Variants in SLC2A6 observed in about 807,000 individuals in gnomAD.
SLC2A6 encodes the protein solute carrier family 2, facilitated glucose transporter member 6.
In SLC2A6, 39 loss-of-function variants were observed where a neutral mutation model predicts 47.8. That is an observed-to-expected ratio of 0.82 (90% CI 0.63 to 1.07). The LOEUF is 1.07. Among genes scored for constraint, SLC2A6 ranks in the 50% least tolerant of loss-of-function variants. The probability of loss-of-function intolerance (pLI) is 0.00; values close to 1 mark genes in which losing one functional copy is unlikely to be tolerated. For missense variants in SLC2A6, 650 were observed against 707.6 expected (o/e 0.92, Z 0.92); for synonymous variants, 346 against 324.1 (o/e 1.07, Z -0.73).
chr9:133,478,554 A>AGGGCCT, intron 1 of SLC2A6, 138 bp from the exon 2 acceptor site: 1 of 917,552 alleles, frequency 1.1e-6, no homozygotes. Context: ...TCACGTTCCC[A>AGGGCCT]GGGCCTGAGC....
intron 3 of SLC2A6, 99 bp from the exon 4 acceptor site, chr9:133,476,435 G>T: frequency 2.9e-6 from 3 of 1,028,204 alleles, no homozygotes; most frequent in Non-Finnish European, 4.5e-6. Flanking sequence ...CGGAAAGTGG[G>T]AAGTGGAGGC....
Position 133,471,615 on chromosome 9 carries a change from C to G in SLC2A6, c.*406G>C, listed in dbSNP as rs975344622. ...TCTTCCTTGCACAGCCAGATGCCAC[C>G]AGATCAGAGCGCGATGATATGACTA... On this transcript the variant is annotated 3_prime_UTR_variant, in exon 10 of 10. Coordinates refer to ENST00000371899, the MANE Select transcript of SLC2A6 (RefSeq NM_017585.4). 1.8e-5 allele frequency: 3 copies of G among 165,780 alleles called. No homozygotes were observed. Among genetic ancestry groups the G allele is most frequent in the African/African-American group, 7.2e-5 (3 of 41,906 alleles). The allele number at this position is 165,780 out of a possible 1,614,324, so 10.3% of individuals were successfully genotyped here.
chr9:133,478,501 C>A, intron 1 of SLC2A6, 85 bp from the exon 2 acceptor site: 1 of 1,515,346 alleles, frequency 6.6e-7, no homozygotes, highest in South Asian at 1.2e-5. Flanking sequence ...AGTGGCTGCC[C>A]GGCTCAGCGG....
rs1415867828 is a variant in SLC2A6 at position 133,472,085 on chromosome 9, T to A, written c.1460A>T (p.Lys487Met). ...VFTGCCVPET[K>M]GRSLEQIESF... Reference sequence around the variant, plus strand: ...CTCGATCTGCTCCAGGGACCGTCCCTTGGTCTCGGGCACACAGCAGCCTGT... The same window carrying A: ...CTCGATCTGCTCCAGGGACCGTCCCATGGTCTCGGGCACACAGCAGCCTGT... The change falls in exon 10 of 10, where the codon AAG (lysine) becomes ATG (methionine). Residue 487 changes from lysine (K) to methionine (M), a missense_variant. Physicochemically the swap from Lys to Met is moderately conservative, Grantham distance 95. Transcript: ENST00000371899. 6.2e-7 allele frequency: 1 copy of A among 1,613,408 alleles called. No individual in the cohort carries two copies. Among genetic ancestry groups the A allele is most frequent in the Non-Finnish European group, 8.5e-7 (1 of 1,179,938 alleles).
chr9:133,475,234 G>T, intron 5 of SLC2A6, 121 bp from the exon 6 acceptor site: 1 of 1,393,478 alleles, frequency 7.2e-7, no homozygotes. Context: ...GAAAGAACCA[G>T]CTTACCAGGC....
chr9:133,475,686 C>T, intron 4 of SLC2A6, 75 bp from the exon 5 acceptor site: 1 of 1,309,208 alleles, frequency 7.6e-7, no homozygotes, highest in Non-Finnish European at 1.0e-6. Flanking sequence ...TCTGAATAAC[C>T]TCATCTGCCC....
chr9:133,477,402 C>G (rs1212869988), intron 2 of SLC2A6, among the ~76,000 whole-genome samples, 161 bp from the exon 3 acceptor site: 1 of 152,262 alleles, frequency 6.6e-6, no homozygotes, highest in Non-Finnish European at 1.5e-5. Flanking sequence ...CTTCAAGGAA[C>G]AGCCATTTGT....
rs1195166538 is a variant in SLC2A6 at position 133,477,049 on chromosome 9, C to T, written c.448G>A (p.Ala150Thr). Residue 150 changes from alanine to threonine, a missense_variant, in exon 3 of 10, where the codon GCT becomes ACT. Ala to Thr is a moderately conservative substitution (Grantham distance 58). Coordinates refer to ENST00000371899, the MANE Select transcript of SLC2A6 (RefSeq NM_017585.4). ...TLTGFAGGLT[A>T]ACIPVYVSEI... ...CCTGGCCTTACCGGGATGCAGGCAG[C>T]TGTGAGCCCCCCGGCGAAGCCCGTC... 3.9e-6 allele frequency: 6 copies of T among 1,547,376 alleles called. No homozygotes were observed. The highest frequency in any genetic ancestry group is 5.2e-6 in the Non-Finnish European group (6 of 1,146,514).
intron 7 of SLC2A6, 56 bp downstream of exon 7, chr9:133,473,924 C>G: frequency 7.2e-7 from 1 of 1,391,206 alleles, no homozygotes; most frequent in Non-Finnish European, 9.9e-7. Context: ...CACACCCAGC[C>G]CAGCCCTGAC....
chr9:133,475,629 G>A lies in SLC2A6; in HGVS notation c.563-18C>T. The A allele has an allele frequency of 7.7e-6, 12 of 1,564,300 alleles. No individual in the cohort carries two copies. Among genetic ancestry groups the A allele is most frequent in the Non-Finnish European group, 1.0e-5 (12 of 1,157,138 alleles). Reference sequence around the variant, plus strand: ...CAGGAGGCCTGGGGGCGAGGGGTGGGTGAGGGGCCAGGTCCAGGCCTGGTA... The same window carrying A: ...CAGGAGGCCTGGGGGCGAGGGGTGGATGAGGGGCCAGGTCCAGGCCTGGTA... On this transcript the variant is annotated intron_variant, in intron 4 of 9. Coordinates refer to ENST00000371899, the MANE Select transcript of SLC2A6 (RefSeq NM_017585.4).
chr9:133,475,679 G>C (rs1407622931), intron 4 of SLC2A6, 68 bp from the exon 5 acceptor site: 1 of 1,375,694 alleles, frequency 7.3e-7, no homozygotes, highest in East Asian at 2.5e-5. Context: ...TGGAGCCTCT[G>C]AATAACCTCA....
Position 133,471,926 on chromosome 9 carries a change from A to G in SLC2A6, c.*95T>C, listed in dbSNP as rs1843731691. On this transcript the variant is annotated 3_prime_UTR_variant, in exon 10 of 10. Transcript: ENST00000371899. ...TCCTGTGCTCTGGCTGGTGGCAGGGATGACTGCTGCCTCTTGGTCCCAGGG... is the reference window on the plus strand; with the variant it reads ...TCCTGTGCTCTGGCTGGTGGCAGGGGTGACTGCTGCCTCTTGGTCCCAGGG... 1.4e-6 allele frequency: 2 copies of G among 1,420,898 alleles called. No homozygotes were observed. Among genetic ancestry groups the G allele is most frequent in the Non-Finnish European group, 9.6e-7 (1 of 1,044,782 alleles). 88.0% of individuals were successfully genotyped at this position (1,420,898 alleles called of 1,614,324 possible).
chr9:133,472,640 C>T (rs984270179), intron 9 of SLC2A6, among the ~76,000 whole-genome samples: 1 of 152,188 alleles, frequency 6.6e-6, no homozygotes, highest in African/African-American at 2.4e-5. Context: ...CTGCCCTAGC[C>T]AGCTTCTCCC....
Position 133,477,248 on chromosome 9 carries a change from G to A in SLC2A6, c.256-7C>T. The A allele has an allele frequency of 6.4e-7, 1 of 1,550,406 alleles. No homozygotes were observed. Among genetic ancestry groups the A allele is most frequent in the South Asian group, 1.2e-5 (1 of 84,044 alleles). ...CTCCCAGGGTGAACACGGACTGCAG[G>A]GGAAGGGGGTGCAGGGCAGATATGT... On this transcript the variant is annotated splice_polypyrimidine_tract_variant and splice_region_variant and intron_variant, in intron 2 of 9. Coordinates refer to ENST00000371899, the MANE Select transcript of SLC2A6 (RefSeq NM_017585.4).
At chr9:133,476,900 G>T (rs1843975182) in intron 3 of SLC2A6, 135 bp downstream of exon 3, 3 of 984,982 alleles carry the variant, frequency 3.0e-6, no homozygotes, top group Non-Finnish European at 3.0e-6. Context: ...GAGCTGAGGC[G>T]CCCTGGGCAT....
rs1452231894 is a variant in SLC2A6 at position 133,471,969 on chromosome 9, C to T, written c.*52G>A. The T allele has an allele frequency of 1.3e-6, 2 of 1,585,270 alleles. No homozygotes were observed. Among genetic ancestry groups the T allele is most frequent in the Non-Finnish European group, 8.6e-7 (1 of 1,162,548 alleles). On this transcript the variant is annotated 3_prime_UTR_variant, in exon 10 of 10. Transcript: ENST00000371899. ...TCCCAGGGTGCAGGTTTGTAGCCAA[C>T]ACAGAGGCCCAGCCACTGGGGGTTT...
chr9:133,473,733 C>T lies in SLC2A6; in HGVS notation c.1037-133G>A, dbSNP rs587679355. ...CTGGGACTAGAGACCCCCAGCAGGG[C>T]AGCAAGCTCTGTCTCCAGCCGCGTG... On this transcript the variant is annotated intron_variant, in intron 7 of 9. Transcript: ENST00000371899. 1.8e-5 allele frequency: 18 copies of T among 973,394 alleles called. No individual in the cohort carries two copies. In the East Asian group the frequency reaches 4.4e-4, roughly 24 times the overall value. The allele number at this position is 973,394 out of a possible 1,614,324, so 60.3% of individuals were successfully genotyped here. A position where few individuals can be genotyped will look rare whatever the true frequency, so the allele number is the denominator to read the frequency against.
At position 133,475,599 on chromosome 9, in the gene SLC2A6, G is replaced by A. The variant is rs376292679; in HGVS notation, c.575C>T (p.Pro192Leu). 26 of 1,594,898 alleles carry A rather than the reference G, an allele frequency of 1.6e-5. No individual in the cohort carries two copies. Among genetic ancestry groups the A allele is most frequent in the Middle Eastern group, 2.2e-4 (1 of 4,454 alleles). The change falls in exon 5 of 10, where the codon CCG becomes CTG. Residue 192 changes from proline to leucine, a missense_variant. Transcript: ENST00000371899. Reference sequence around the variant, plus strand: ...CCCGGCCACAGCCAGCCAGCGCCACGGCAGCAGGAGGCCTGGGGGCGAGGG... The same window carrying A: ...CCCGGCCACAGCCAGCCAGCGCCACAGCAGCAGGAGGCCTGGGGGCGAGGG... ...LSLYALGLLL[P>L]WRWLAVAGEA...
intron 9 of SLC2A6, among the ~76,000 whole-genome samples, chr9:133,472,555 TCA>T (rs1843765492): frequency 1.3e-5 from 2 of 152,096 alleles, no homozygotes; most frequent in South Asian, 4.1e-4. Context: ...GCTGATGGAC[TCA>T]CTCTGGGTTG....
Sources: gnomAD v4.1 joint callset for allele counts (sites outside exome capture counted in the v4.1 genomes callset) on GRCh38, gnomAD v4.1.1 for gene constraint, MANE v1.5 for transcripts, NCBI Gene and HGNC (gene_info 2026-07-23, HGNC 2026-07-21) for gene names.